The following SYNPR variants were observed in gnomAD, a reference collection of about 807,000 sequenced individuals.
The protein encoded by SYNPR is synaptoporin.
A neutral mutation model predicts 32.9 loss-of-function variants in SYNPR; 23 were observed. That is an observed-to-expected ratio of 0.70 (90% CI 0.50 to 0.99). SYNPR has a LOEUF of 0.99. Ranked by LOEUF, SYNPR falls within the 50% of genes least tolerant of loss-of-function variation. The pLI, the probability that SYNPR is intolerant of heterozygous loss-of-function variation, is 0.00. For missense variants in SYNPR, 318 were observed against 349.3 expected (o/e 0.91, Z 0.71); for synonymous variants, 146 against 135.9 (o/e 1.07, Z -0.52).
At chr3:63,539,015 A>T (rs1340463031) in intron 3 of SYNPR, among the ~76,000 whole-genome samples, 5 of 152,166 alleles carry the variant, frequency 3.3e-5, no homozygotes, top group Non-Finnish European at 5.9e-5. Context: ...AATAAGCCTC[A>T]CTTAACTAGA....
chr3:63,323,520 A>C (rs777723776), intron 2 of SYNPR, among the ~76,000 whole-genome samples: 4 of 152,070 alleles, frequency 2.6e-5, no homozygotes, highest in Non-Finnish European at 5.9e-5. Context: ...GGTGTGTTGG[A>C]AAGTACTTCT....
intron 2 of SYNPR, among the ~76,000 whole-genome samples, chr3:63,427,112 G>A (rs1375409268): frequency 1.3e-5 from 2 of 149,106 alleles, no homozygotes; most frequent in Non-Finnish European, 3.0e-5. Flanking sequence ...TGTTTGAAAG[G>A]ATGAGTTATA....
chr3:63,519,331 C>A (rs1701862378), intron 3 of SYNPR, among the ~76,000 whole-genome samples: 1 of 152,152 alleles, frequency 6.6e-6, no homozygotes, highest in South Asian at 2.1e-4. Flanking sequence ...TTCTTAATCT[C>A]ATCTCTTCAT....
At chr3:63,353,277 G>A (rs2087534123) in intron 2 of SYNPR, among the ~76,000 whole-genome samples, 2 of 152,202 alleles carry the variant, frequency 1.3e-5, no homozygotes, top group South Asian at 4.1e-4. Flanking sequence ...GAATTCAGAG[G>A]AGTAAGGGGT....
chr3:63,596,122 T>A (rs149847031), intron 4 of SYNPR, among the ~76,000 whole-genome samples: 1 of 150,380 alleles, frequency 6.6e-6, no homozygotes, highest in Non-Finnish European at 1.5e-5. Flanking sequence ...ATTAGGTATA[T>A]CTCCCTCCTT....
intron 2 of SYNPR, among the ~76,000 whole-genome samples, chr3:63,258,562 A>AGAGACACAAAACATCC (rs2086408739): frequency 6.6e-6 from 1 of 152,074 alleles, no homozygotes; most frequent in Admixed American, 6.5e-5. Context: ...TCTGGGGCAT[A>AGAGACACAAAACATCC]TTCAAAGCAG....
intron 3 of SYNPR, among the ~76,000 whole-genome samples, chr3:63,551,206 CATA>C (rs1402254146): frequency 6.6e-6 from 1 of 152,158 alleles, no homozygotes; most frequent in African/African-American, 2.4e-5. Flanking sequence ...TTTCACTGAG[CATA>C]ATGTTTTCAA....
At chr3:63,545,974 C>T (rs989707998) in intron 3 of SYNPR, among the ~76,000 whole-genome samples, 16 of 152,072 alleles carry the variant, frequency 1.1e-4, no homozygotes, top group African/African-American at 3.4e-4. Context: ...GATGAATAAG[C>T]CGTTGTCAAC....
chr3:63,564,949 G>A (rs550832972), intron 4 of SYNPR, among the ~76,000 whole-genome samples: 1 of 152,132 alleles, frequency 6.6e-6, no homozygotes, highest in Admixed American at 6.5e-5. Flanking sequence ...TGTGCCTTTG[G>A]TGGGCTGGTG....
intron 1 of SYNPR, among the ~76,000 whole-genome samples, chr3:63,232,172 G>T (rs2086171217): frequency 7.1e-6 from 1 of 140,450 alleles, no homozygotes; most frequent in African/African-American, 2.6e-5. Context: ...GCTGTCTCAA[G>T]TGAGTATTTC....
chr3:63,398,758 A>T (rs1350450815), intron 2 of SYNPR, among the ~76,000 whole-genome samples: 1 of 151,856 alleles, frequency 6.6e-6, no homozygotes, highest in Admixed American at 6.6e-5. Context: ...AGAGGAATGT[A>T]TTCAGAAGAT....
Position 63,357,215 on chromosome 3 carries a change from A to G in SYNPR, c.84+78473A>G, listed in dbSNP as rs1409863516. ...GCTGTACGTGTAAGGTGAGCTCCAC[A>G]GCTGCTCTGGTGCTCACACTATCCC... On this transcript the variant is annotated intron_variant, in intron 2 of 5. Transcript: ENST00000478300. 3.3e-5 allele frequency among the ~76,000 whole-genome samples: 5 copies of G among 152,136 alleles called. 1 individual carries two copies. Among genetic ancestry groups the G allele is most frequent in the Middle Eastern group, 6.3e-3 (2 of 316 alleles).
chr3:63,331,491 A>G (rs745670564), intron 2 of SYNPR, among the ~76,000 whole-genome samples: 5 of 152,164 alleles, frequency 3.3e-5, no homozygotes, highest in Non-Finnish European at 7.3e-5. Context: ...TAATAATAAC[A>G]AAAGGAAGAG....
At chr3:63,373,606 T>C (rs543304547) in intron 2 of SYNPR, among the ~76,000 whole-genome samples, 9 of 152,254 alleles carry the variant, frequency 5.9e-5, no homozygotes, top group South Asian at 4.1e-4. Context: ...TTATGACTCA[T>C]TGGTAACGTT....
At chr3:63,277,092 T>C (rs1025586000), upstream of SYNPR, among the ~76,000 whole-genome samples, 3 of 152,164 alleles carry the variant, frequency 2.0e-5, no homozygotes, top group Admixed American at 1.3e-4. Context: ...CTCCTTCTTC[T>C]TCTTCCTCCT....
chr3:63,398,228 G>A (rs979709143), intron 2 of SYNPR, among the ~76,000 whole-genome samples: 1 of 152,210 alleles, frequency 6.6e-6, no homozygotes, highest in Admixed American at 6.5e-5. Flanking sequence ...TAACTGCATA[G>A]ATAGAGCGTA....
Position 63,512,563 on chromosome 3 carries a change from G to C in SYNPR, c.209+31607G>C, listed in dbSNP as rs11717741. ...AAAGTGAAAGAGGGAAAGTAGAAGA[G>C]TTAGAGTCAGAGAAAGATGTGGTGA... On this transcript the variant is annotated intron_variant, in intron 3 of 5. Coordinates refer to ENST00000478300, the MANE Select transcript of SYNPR (RefSeq NM_001130003.2). 4.0e-3 allele frequency among the ~76,000 whole-genome samples: 608 copies of C among 151,908 alleles called. 7 individuals are homozygous for C. Among genetic ancestry groups the C allele is most frequent in the African/African-American group, 0.014 (586 of 41,470 alleles).
chr3:63,286,799 C>T (rs1183525873), intron 2 of SYNPR, among the ~76,000 whole-genome samples: 1 of 152,108 alleles, frequency 6.6e-6, no homozygotes, highest in Non-Finnish European at 1.5e-5. Context: ...GCAATATCTC[C>T]TGCCTATAGT....
At chr3:63,560,711 AAG>A (rs1702672199) in intron 4 of SYNPR, among the ~76,000 whole-genome samples, 1 of 152,176 alleles carries the variant, frequency 6.6e-6, no homozygotes, top group South Asian at 2.1e-4. Context: ...AGGGCAGACA[AAG>A]AGAGAAGAAG....
Sources: allele counts gnomAD v4.1 joint callset (sites outside exome capture counted in the v4.1 genomes callset), GRCh38; gene constraint gnomAD v4.1.1; transcripts MANE v1.5; gene names NCBI Gene and HGNC (gene_info 2026-07-23, HGNC 2026-07-21).